ATP6V0D1: variants seen among roughly 807,000 people sequenced by gnomAD.
ATP6V0D1 encodes the protein V-type proton ATPase subunit d 1.
Under a neutral mutation model 39.0 loss-of-function variants are expected in ATP6V0D1, and 13 were observed. The ratio of observed to expected loss-of-function variants is 0.33; its 90% CI spans 0.22 to 0.53. The LOEUF (loss-of-function observed/expected upper bound fraction) is 0.53, where lower values mean the gene tolerates loss of function less well. Among genes scored for constraint, ATP6V0D1 ranks in the 20% least tolerant of loss-of-function variants. The pLI is 0.94. For missense variants in ATP6V0D1, 272 were observed against 470.9 expected, an observed-to-expected ratio of 0.58 and a Z score of 3.91; for synonymous variants, 191 against 191.2, an observed-to-expected ratio of 1.00 and a Z score of 0.01.
At chr16:67,461,379 T>C (rs188810459) in intron 1 of ATP6V0D1, among the ~76,000 whole-genome samples, 9 of 152,286 alleles carry the variant, frequency 5.9e-5, no homozygotes, top group Admixed American at 5.2e-4. Context: ...AGCAAGATCA[T>C]AGAGAGCTCT....
chr16:67,454,232 G>T (rs2041213186), intron 1 of ATP6V0D1, among the ~76,000 whole-genome samples: 1 of 152,228 alleles, frequency 6.6e-6, no homozygotes, highest in South Asian at 2.1e-4. Flanking sequence ...GCCACAAAAG[G>T]CTGGGCCACA....
At chr16:67,475,432 G>A (rs1365386384) in intron 1 of ATP6V0D1, among the ~76,000 whole-genome samples, 1 of 152,218 alleles carries the variant, frequency 6.6e-6, no homozygotes, top group Non-Finnish European at 1.5e-5. Context: ...GGGTAGAGAG[G>A]GATAAAAGTG....
chr16:67,474,209 C>T (rs370632664), intron 1 of ATP6V0D1, among the ~76,000 whole-genome samples: 1 of 152,216 alleles, frequency 6.6e-6, no homozygotes, highest in African/African-American at 2.4e-5. Context: ...CACAGTGGAG[C>T]ACCTGGCCTC....
intron 4 of ATP6V0D1, chr16:67,440,223 A>C (rs981251690): frequency 1.3e-5 from 2 of 152,236 alleles, no homozygotes; most frequent in East Asian, 3.9e-4. Context: ...AGGGATGGTT[A>C]TTGCCTACAC....
chr16:67,439,429 C>T (rs2041020897), intron 4 of ATP6V0D1, 78 bp from the exon 5 acceptor site: 4 of 1,339,800 alleles, frequency 3.0e-6, no homozygotes, highest in Non-Finnish European at 4.2e-6. Context: ...CTCACAGCTC[C>T]CTCCTCCCCT....
In ATP6V0D1 at chr16:67,456,760, C is replaced by G. The variant is rs2041241569; in HGVS notation, c.131-3045G>C. On this transcript the variant is annotated intron_variant, in intron 1 of 7. Transcript: ENST00000290949. This position sits in a 1 kb window ranked among gnomAD's most constrained non-coding sequence, Gnocchi z 4.1. ...AAAAACTCAGTCCTTTGGGTGGTGG[C>G]ACTCCTGCCAGTGACTCCACTATTC... The G allele has an allele frequency of 6.6e-6, 1 of 152,270 alleles. No homozygotes were observed. Among genetic ancestry groups the G allele is most frequent in the African/African-American group, 2.4e-5 (1 of 41,466 alleles). The allele number at this position is 152,270 out of a possible 1,614,324, so 9.4% of individuals were successfully genotyped here.
At chr16:67,477,066 T>G (rs1390766104) in intron 1 of ATP6V0D1, among the ~76,000 whole-genome samples, 1 of 128,870 alleles carries the variant, frequency 7.8e-6, no homozygotes, top group Admixed American at 7.8e-5. Context: ...CATCACCTAT[T>G]AAGTATTTAC....
intron 2 of ATP6V0D1, among the ~76,000 whole-genome samples, chr16:67,448,614 C>T (rs1481053657): frequency 1.4e-5 from 2 of 147,056 alleles, no homozygotes; most frequent in African/African-American, 2.6e-5. Context: ...GAGCCGAGAA[C>T]GTGCCACTAC....
chr16:67,440,293 TC>T (rs759975969), intron 4 of ATP6V0D1: 22 of 152,208 alleles, frequency 1.4e-4, no homozygotes, highest in Non-Finnish European at 4.4e-5. Flanking sequence ...GAACAAGCAC[TC>T]CCTGCCCAGG....
At chr16:67,452,374 CCTTTGGCTGCAGCA>C (rs769840482) in intron 2 of ATP6V0D1, 2 of 1,535,532 alleles carry the variant, frequency 1.3e-6, no homozygotes, top group South Asian at 2.4e-5. Flanking sequence ...AGAATGGAGC[CCTTTGGCTGCAGCA>C]CTTCTTGAGC....
chr16:67,481,151 G>A lies in ATP6V0D1; in HGVS notation c.-65C>T. 1.9e-6 allele frequency: 3 copies of A among 1,602,562 alleles called. No homozygotes were observed. The highest frequency in any genetic ancestry group is 2.6e-6 in the Non-Finnish European group (3 of 1,172,508). On this transcript the variant is annotated 5_prime_UTR_variant, in exon 1 of 8. Transcript: ENST00000290949. ...GCCGGCACGAATCGCGACTCCCCAGGTCAGCTGACGCTGCGTCCTCAGCGG... is the reference window on the plus strand; with the variant it reads ...GCCGGCACGAATCGCGACTCCCCAGATCAGCTGACGCTGCGTCCTCAGCGG...
At chr16:67,441,100 A>G (rs961347527) in intron 4 of ATP6V0D1, 4 of 152,280 alleles carry the variant, frequency 2.6e-5, no homozygotes, top group Admixed American at 1.3e-4. Context: ...TGCTTAGCCA[A>G]TCTGTACCAA....
rs756197610 is a variant in ATP6V0D1 at position 67,439,334 on chromosome 16, G to A, written c.579C>T (p.Phe193=). Residue 193 remains phenylalanine, a synonymous_variant, in exon 5 of 8, where the codon TTC becomes TTT. Coordinates refer to ENST00000290949, the MANE Select transcript of ATP6V0D1 (RefSeq NM_004691.5). The part of the protein sequence containing the change: ...NTLYKAYLES[F]YKFCTLLGGT... ...CGCCCAGTAGGGTGCAGAACTTGTA[G>A]AAGGACTCCAGGTAGGCCTGTAGAG... The A allele has an allele frequency of 5.6e-6, 9 of 1,614,034 alleles. No homozygotes were observed. The African/African-American group carries it at 1.2e-4, about 22-fold the overall frequency.
intron 4 of ATP6V0D1, 55 bp downstream of exon 4, chr16:67,443,044 C>T: frequency 1.3e-6 from 2 of 1,584,110 alleles, no homozygotes; most frequent in Non-Finnish European, 1.7e-6. Flanking sequence ...CCTACCACTT[C>T]CCACAGCCCC....
intron 4 of ATP6V0D1, chr16:67,440,008 A>T (rs1597566562): frequency 1.3e-5 from 2 of 151,998 alleles, no homozygotes; most frequent in African/African-American, 4.8e-5. Flanking sequence ...ATAGAAAGAG[A>T]CTCCGTCTCA....
chr16:67,473,961 A>G (rs1216675336), intron 1 of ATP6V0D1, among the ~76,000 whole-genome samples: 1 of 152,138 alleles, frequency 6.6e-6, no homozygotes, highest in African/African-American at 2.4e-5. Context: ...GGCCAGTTTT[A>G]GGACGTTTTT....
chr16:67,448,158 T>C (rs867701124), intron 2 of ATP6V0D1, among the ~76,000 whole-genome samples: 42 of 152,092 alleles, frequency 2.8e-4, no homozygotes, highest in African/African-American at 9.4e-4. Flanking sequence ...GAGGCCAGCC[T>C]GGGCAACATA....
chr16:67,457,369 C>T (rs1360045355), intron 1 of ATP6V0D1: 6 of 334,136 alleles, frequency 1.8e-5, no homozygotes, highest in Non-Finnish European at 3.6e-5. Context: ...GTTTCCTCCT[C>T]TCCTCCCCAC....
At chr16:67,452,909 G>A (rs2142312512) in intron 2 of ATP6V0D1, among the ~76,000 whole-genome samples, 1 of 152,326 alleles carries the variant, frequency 6.6e-6, no homozygotes, top group South Asian at 2.1e-4. Flanking sequence ...AAGAAGCTGG[G>A]GCAGCCAAGA....
Sources: allele counts gnomAD v4.1 joint callset (sites outside exome capture counted in the v4.1 genomes callset), GRCh38; gene constraint gnomAD v4.1.1; non-coding constraint Gnocchi (gnomAD v3.1); transcripts MANE v1.5; gene names NCBI Gene and HGNC (gene_info 2026-07-23, HGNC 2026-07-21).